CSMD3: variants seen among roughly 807,000 people sequenced by gnomAD.
The protein encoded by CSMD3 is CUB and sushi domain-containing protein 3.
CSMD3 carries 177 observed loss-of-function variants against 435.2 expected under a neutral mutation model. The ratio of observed to expected loss-of-function variants is 0.41; its 90% confidence interval spans 0.36 to 0.46. The LOEUF (loss-of-function observed/expected upper bound fraction) is 0.46, where lower values mean the gene tolerates loss of function less well. CSMD3 is among the 20% of genes least tolerant of loss of function. The pLI, the probability that CSMD3 is intolerant of heterozygous loss-of-function variation, is 0.34. For missense variants in CSMD3, 4,265 were observed against 4,504.6 expected (o/e 0.95, Z 1.52); for synonymous variants, 1,656 against 1,520.5 (o/e 1.09, Z -2.07).
intron 15 of CSMD3, among the ~76,000 whole-genome samples, chr8:112,684,817 C>A (rs540327087): frequency 2.6e-5 from 4 of 152,270 alleles, no homozygotes; most frequent in South Asian, 2.1e-4. Context: ...AAATTATTCA[C>A]ATGCATCACC....
At chr8:112,478,277 G>A (rs1819270947) in intron 31 of CSMD3, among the ~76,000 whole-genome samples, 1 of 152,142 alleles carries the variant, frequency 6.6e-6, no homozygotes, top group South Asian at 2.1e-4. Flanking sequence ...TGTAGAAATG[G>A]CTTTAGAAAT....
intron 31 of CSMD3, among the ~76,000 whole-genome samples, chr8:112,477,648 C>A (rs1028207107): frequency 1.3e-5 from 2 of 152,108 alleles, no homozygotes; most frequent in African/African-American, 4.8e-5. Context: ...ATGTAACATA[C>A]CTGCTCCCGC....
chr8:112,904,060 T>TGG (rs2082184860), intron 10 of CSMD3, among the ~76,000 whole-genome samples: 1 of 151,308 alleles, frequency 6.6e-6, no homozygotes, highest in African/African-American at 2.4e-5. Flanking sequence ...TCCATAATTT[T>TGG]AAACATTTAA....
At chr8:112,325,682 T>A (rs890185414) in intron 45 of CSMD3, among the ~76,000 whole-genome samples, 2 of 152,022 alleles carry the variant, frequency 1.3e-5, no homozygotes, top group African/African-American at 2.4e-5. Flanking sequence ...TAAGTATATA[T>A]ATGAATGAGT....
rs554931580 is a variant in CSMD3 at position 112,690,581 on chromosome 8, A to G, written c.1973-531T>C. Reference sequence around the variant, plus strand: ...TACTAGTTGGTTGAATTATTTTCCCAACTAGACCCCCCCCCCCAACAAAAA... The same window carrying G: ...TACTAGTTGGTTGAATTATTTTCCCGACTAGACCCCCCCCCCCAACAAAAA... On this transcript the variant is annotated intron_variant, in intron 13 of 70. Coordinates refer to ENST00000297405, the MANE Select transcript of CSMD3 (RefSeq NM_198123.2). Among the ~76,000 whole-genome samples the G allele has an allele frequency of 4.1e-3, 526 of 127,898 alleles. 4 individuals carry two copies. Among genetic ancestry groups the G allele is most frequent in the African/African-American group, 0.015 (457 of 30,658 alleles). 83.9% of individuals were successfully genotyped at this position (127,898 alleles called of 152,430 possible). A position where few individuals can be genotyped will look rare whatever the true frequency, so the allele number is the denominator to read the frequency against.
At chr8:112,593,076 G>T (rs971155897) in intron 22 of CSMD3, among the ~76,000 whole-genome samples, 6 of 152,154 alleles carry the variant, frequency 3.9e-5, no homozygotes, top group Non-Finnish European at 5.9e-5. Flanking sequence ...AGGGATTCCA[G>T]GCAGAGTGAA....
At chr8:112,533,150 A>G (rs1825702834) in intron 27 of CSMD3, among the ~76,000 whole-genome samples, 1 of 152,050 alleles carries the variant, frequency 6.6e-6, no homozygotes, top group Non-Finnish European at 1.5e-5. Context: ...AGGGATTCAA[A>G]CATACTAACT....
At chr8:112,383,532 T>A (rs1829666661) in intron 37 of CSMD3, 35 bp downstream of exon 37, 3 of 1,116,618 alleles carry the variant, frequency 2.7e-6, no homozygotes, top group South Asian at 1.2e-5. Context: ...CCTAATTATA[T>A]CTGTATTTTA....
chr8:113,124,546 A>G (rs2091074008), intron 4 of CSMD3, among the ~76,000 whole-genome samples: 1 of 151,970 alleles, frequency 6.6e-6, no homozygotes. Context: ...ATAATTCATA[A>G]TTATCTGCCA....
chr8:113,341,762 A>G (rs961481661), intron 1 of CSMD3, among the ~76,000 whole-genome samples: 1 of 152,144 alleles, frequency 6.6e-6, no homozygotes, highest in Admixed American at 6.6e-5. Flanking sequence ...AAAGTAAACA[A>G]TGAGATTGTC....
chr8:112,467,256 T>C lies in CSMD3; in HGVS notation c.5395+5335A>G, dbSNP rs936221823. ...TACTGGGGCAAATGTAAGGTTTTTA[T>C]GCCCATTTTGAACATACCAAGTGTG... On this transcript the variant is annotated intron_variant, in intron 32 of 70. Coordinates refer to ENST00000297405, the MANE Select transcript of CSMD3 (RefSeq NM_198123.2). Among the ~76,000 whole-genome samples the C allele has an allele frequency of 2.0e-5, 3 of 152,214 alleles. No individual in the cohort carries two copies. The South Asian group carries it at 6.2e-4, about 31-fold the overall frequency.
intron 49 of CSMD3, among the ~76,000 whole-genome samples, chr8:112,313,338 C>T (rs1299642898): frequency 6.6e-6 from 1 of 152,148 alleles, no homozygotes; most frequent in Admixed American, 6.5e-5. Context: ...ATGTGTTACT[C>T]TCTCTTTCGA....
chr8:112,415,797 T>G (rs1811849466), intron 32 of CSMD3, among the ~76,000 whole-genome samples: 1 of 152,200 alleles, frequency 6.6e-6, no homozygotes. Flanking sequence ...TTTTGGAATT[T>G]TAAGGCTTAA....
At chr8:113,249,918 T>G (rs942612844) in intron 3 of CSMD3, among the ~76,000 whole-genome samples, 1 of 152,064 alleles carries the variant, frequency 6.6e-6, no homozygotes, top group Admixed American at 6.6e-5. Context: ...TCTATAAATC[T>G]ATGTAAATAT....
intron 1 of CSMD3, among the ~76,000 whole-genome samples, chr8:113,390,286 A>G (rs918785825): frequency 6.6e-6 from 1 of 151,848 alleles, no homozygotes; most frequent in East Asian, 1.9e-4. Context: ...CAGCCTGTAC[A>G]CCCAACATAT....
chr8:112,891,797 A>G (rs1398587191), intron 10 of CSMD3, among the ~76,000 whole-genome samples: 2 of 151,582 alleles, frequency 1.3e-5, no homozygotes, highest in African/African-American at 4.8e-5. Context: ...ATAGTCATAT[A>G]CATAGATTGT....
chr8:112,511,602 G>A (rs1362477106), intron 28 of CSMD3, among the ~76,000 whole-genome samples: 1 of 151,930 alleles, frequency 6.6e-6, no homozygotes, highest in Non-Finnish European at 1.5e-5. Context: ...GTGTTAGCCA[G>A]GATGGTCTCG....
chr8:112,310,970 T>C lies in CSMD3; in HGVS notation c.7885+8A>G, dbSNP rs372763134. 1.4e-5 allele frequency: 22 copies of C among 1,612,632 alleles called. No individual in the cohort carries two copies. The highest frequency in any genetic ancestry group is 1.8e-5 in the Non-Finnish European group (21 of 1,178,780). ...TGTTTTTGTTCATTTTGGCATAATA[T>C]ACTTCACCTTGACAGGCAGGGACTG... On this transcript the variant is annotated splice_region_variant and intron_variant, in intron 50 of 70. Transcript: ENST00000297405.
chr8:112,611,006 A>T (rs550967138), intron 22 of CSMD3, among the ~76,000 whole-genome samples: 1 of 152,340 alleles, frequency 6.6e-6, no homozygotes, highest in East Asian at 1.9e-4. Context: ...ACTCTTGGAA[A>T]ATGTGACATT....
Sources: gnomAD v4.1 joint callset for allele counts (sites outside exome capture counted in the v4.1 genomes callset) on GRCh38, gnomAD v4.1.1 for gene constraint, MANE v1.5 for transcripts, NCBI Gene and HGNC (gene_info 2026-07-23, HGNC 2026-07-21) for gene names.